The following SPON1 variants were observed in gnomAD, a reference collection of about 807,000 sequenced individuals.
SPON1 encodes the protein spondin-1.
SPON1 carries 52 observed loss-of-function variants against 111.7 expected under a neutral mutation model. The observed-to-expected ratio is 0.47, with a 90% CI of 0.37 to 0.59. SPON1 has a LOEUF of 0.59. Ranked by LOEUF, SPON1 falls within the 20% of genes least tolerant of loss-of-function variation. SPON1 has a pLI of 0.00. For synonymous variants in SPON1, 410 were observed against 395.8 expected (o/e 1.04, Z -0.43); for missense variants, 957 against 1,068.5 (o/e 0.90, Z 1.46).
intron 6 of SPON1, among the ~76,000 whole-genome samples, chr11:14,162,044 G>A (rs539202866): frequency 6.6e-6 from 1 of 151,706 alleles, no homozygotes; most frequent in Admixed American, 6.6e-5. Context: ...TGTAATCCCA[G>A]CTACTCGGGA....
At chr11:14,178,338 C>T (rs1046782415) in intron 6 of SPON1, among the ~76,000 whole-genome samples, 99 of 150,812 alleles carry the variant, frequency 6.6e-4, no homozygotes, top group South Asian at 2.1e-4. Context: ...AGGAGAATGG[C>T]GTGAACACAG....
intron 5 of SPON1, among the ~76,000 whole-genome samples, chr11:14,106,930 T>C (rs899834910): frequency 5.3e-5 from 8 of 152,192 alleles, no homozygotes; most frequent in Non-Finnish European, 8.8e-5. Flanking sequence ...AAAAAGTGTG[T>C]GCTGCCTGCA....
chr11:13,998,506 C>CCCT (rs1198251945), intron 2 of SPON1, among the ~76,000 whole-genome samples: 48 of 152,342 alleles, frequency 3.2e-4, no homozygotes, highest in African/African-American at 1.1e-3. Flanking sequence ...AATCTGTGCA[C>CCCT]CCTGCCTCCT....
chr11:14,100,557 G>A (rs1849135585), intron 5 of SPON1, among the ~76,000 whole-genome samples: 1 of 152,032 alleles, frequency 6.6e-6, no homozygotes, highest in Non-Finnish European at 1.5e-5. Context: ...AAGTACTTTA[G>A]CATACTTTAT....
intron 3 of SPON1, among the ~76,000 whole-genome samples, chr11:14,061,269 A>G (rs1335356474): frequency 1.3e-5 from 2 of 152,224 alleles, no homozygotes; most frequent in African/African-American, 4.8e-5. Flanking sequence ...TTATAAGAAC[A>G]AGTAATAAGC....
At chr11:14,026,638 G>A (rs1165869239) in intron 2 of SPON1, among the ~76,000 whole-genome samples, 3 of 152,172 alleles carry the variant, frequency 2.0e-5, no homozygotes, top group East Asian at 1.9e-4. Flanking sequence ...GCTGACTTAC[G>A]CAGAGAATAC....
chr11:14,241,969 T>G (rs1554939719), intron 6 of SPON1, among the ~76,000 whole-genome samples: 2 of 151,970 alleles, frequency 1.3e-5, no homozygotes, highest in Non-Finnish European at 2.9e-5. Flanking sequence ...GCTTCCTGGG[T>G]GGCTCACCGC....
intron 2 of SPON1, among the ~76,000 whole-genome samples, chr11:13,983,678 G>A (rs781894962): frequency 9.9e-5 from 15 of 152,180 alleles, no homozygotes; most frequent in African/African-American, 1.7e-4. Context: ...GAAAAGAGCC[G>A]GCAAGTTGTC....
At chr11:14,100,870 A>T (rs1849137982) in intron 5 of SPON1, among the ~76,000 whole-genome samples, 2 of 152,224 alleles carry the variant, frequency 1.3e-5, no homozygotes, top group Non-Finnish European at 2.9e-5. Flanking sequence ...GATGGCTGAC[A>T]TAAGACCTGC....
chr11:14,056,488 T>C (rs1295392676), intron 3 of SPON1, among the ~76,000 whole-genome samples: 1 of 152,178 alleles, frequency 6.6e-6, no homozygotes, highest in Non-Finnish European at 1.5e-5. Flanking sequence ...TTCTTTTACT[T>C]GCTTGCTCCT....
At chr11:14,018,778 AC>A (rs1214626441) in intron 2 of SPON1, among the ~76,000 whole-genome samples, 2 of 152,176 alleles carry the variant, frequency 1.3e-5, no homozygotes, top group Non-Finnish European at 2.9e-5. Flanking sequence ...GGCAGTCTAT[AC>A]AAAGGCTCCA....
Position 14,020,376 on chromosome 11 carries a change from G to A in SPON1, c.346-21145G>A, listed in dbSNP as rs113543836. Among the ~76,000 whole-genome samples the A allele has an allele frequency of 1.3e-3, 199 of 152,340 alleles. 1 individual carries two copies. Among genetic ancestry groups the A allele is most frequent in the African/African-American group, 4.7e-3 (195 of 41,578 alleles). On this transcript the variant is annotated intron_variant, in intron 2 of 15. Coordinates refer to ENST00000576479, the MANE Select transcript of SPON1 (RefSeq NM_006108.4). ...AGGCTGTAAAAAGCTGTCAGAGTTG[G>A]CAGTGAGGAGGTCAGAGTGACCATT...
intron 1 of SPON1, among the ~76,000 whole-genome samples, chr11:13,974,787 C>G (rs935802849): frequency 6.6e-5 from 10 of 152,198 alleles, no homozygotes; most frequent in African/African-American, 2.2e-4. Context: ...CTCATCCCCC[C>G]TCCCCAGGGT....
chr11:14,232,205 C>A (rs991574834), intron 6 of SPON1, among the ~76,000 whole-genome samples: 4 of 151,928 alleles, frequency 2.6e-5, no homozygotes, highest in African/African-American at 9.7e-5. Flanking sequence ...CCATCCTGGC[C>A]CTCCCCCTCA....
chr11:14,088,310 TG>T (rs1849022938), intron 5 of SPON1, among the ~76,000 whole-genome samples: 1 of 152,200 alleles, frequency 6.6e-6, no homozygotes, highest in South Asian at 2.1e-4. Context: ...CAGGAGCTCT[TG>T]TAAGGCATGC....
chr11:14,107,734 C>T lies in SPON1; in HGVS notation c.677-27686C>T, dbSNP rs1233864338. Among the ~76,000 whole-genome samples the T allele has an allele frequency of 2.6e-5, 4 of 152,152 alleles. No homozygotes were observed. The East Asian group carries it at 5.8e-4, about 22-fold the overall frequency. ...ATCCCCAAACCAGATCAGAGTAATG[C>T]GAGAGTGGAAAGGAAGCCTTTCTAA... On this transcript the variant is annotated intron_variant, in intron 5 of 15. Transcript: ENST00000576479.
chr11:14,066,444 C>T (rs782240274), intron 3 of SPON1, among the ~76,000 whole-genome samples: 5 of 152,072 alleles, frequency 3.3e-5, no homozygotes, highest in Non-Finnish European at 5.9e-5. Flanking sequence ...GAGAAATAGT[C>T]CTGTTAACTA....
At chr11:14,062,523 G>C (rs1848799122) in intron 3 of SPON1, among the ~76,000 whole-genome samples, 1 of 152,142 alleles carries the variant, frequency 6.6e-6, no homozygotes, top group South Asian at 2.1e-4. Context: ...AGGAACTTCT[G>C]GTCATCTCTA....
chr11:13,978,450 C>A (rs1369105522), intron 1 of SPON1, among the ~76,000 whole-genome samples: 1 of 152,080 alleles, frequency 6.6e-6, no homozygotes, highest in Admixed American at 6.5e-5. Flanking sequence ...GGGTTCTTAC[C>A]CTTGAACGTC....
Sources: gnomAD v4.1 joint callset for allele counts (sites outside exome capture counted in the v4.1 genomes callset) on GRCh38, gnomAD v4.1.1 for gene constraint, MANE v1.5 for transcripts, NCBI Gene and HGNC (gene_info 2026-07-23, HGNC 2026-07-21) for gene names.